Variants in CHD7 observed in about 807,000 individuals in gnomAD.
CHD7 encodes the protein chromodomain helicase DNA binding protein 7, also known as ATP-dependent chromatin remodeler CHD7.
CHD7 carries 24 observed loss-of-function variants against 307.3 expected under a neutral mutation model. The observed-to-expected ratio is 0.08, with a 90% confidence interval of 0.06 to 0.11. The LOEUF (loss-of-function observed/expected upper bound fraction) is 0.11. Ranked by LOEUF, CHD7 falls within the 10% of genes least tolerant of loss-of-function variation. The pLI, the probability that CHD7 is intolerant of heterozygous loss-of-function variation, is 1.00. For synonymous variants in CHD7, 1,363 were observed against 1,349.9 expected (o/e 1.01, Z -0.21); for missense variants, 3,106 against 3,727.1 (o/e 0.83, Z 4.34).
Position 60,862,233 on chromosome 8 carries a change from C to T in CHD7, c.7868C>T (p.Pro2623Leu), listed in dbSNP as rs1468230389. ...ADVLFSSFQKPKQKRHRCRNP... is the reference protein window; with the variant it reads ...ADVLFSSFQKLKQKRHRCRNP... ...GTGCTGTTTTCCTCATTTCAGAAAC[C>T]GAAACAGAAACGACATAGATGTCGA... Residue 2623 changes from proline (P) to leucine (L), a missense_variant, in exon 36 of 38, where the codon CCG becomes CTG. By Grantham distance (98) the Pro-to-Leu change is moderately conservative. This residue lies in a region of CHD7 where 1,030 missense variants were observed against 1,165.4 expected (regional missense o/e 0.88). Coordinates refer to ENST00000423902, the MANE Select transcript of CHD7 (RefSeq NM_017780.4). The T allele has an allele frequency of 3.7e-6, 6 of 1,611,044 alleles. No homozygotes were observed. The highest frequency in any genetic ancestry group is 2.2e-5 in the East Asian group (1 of 44,858).
chr8:60,755,081 T>A (rs1413310868), intron 2 of CHD7, among the ~76,000 whole-genome samples: 4 of 152,174 alleles, frequency 2.6e-5, no homozygotes, highest in African/African-American at 9.7e-5. Context: ...TGTTGTGAAC[T>A]CAGTTGATTT....
At chr8:60,818,327 G>C (rs1157652070) in intron 8 of CHD7, among the ~76,000 whole-genome samples, 3 of 152,172 alleles carry the variant, frequency 2.0e-5, no homozygotes, top group Non-Finnish European at 4.4e-5. Flanking sequence ...TCACATGTGT[G>C]ATGCCGCAGA....
intron 1 of CHD7, chr8:60,679,540 G>C (rs1487773012): frequency 6.8e-6 from 1 of 147,788 alleles, no homozygotes; most frequent in Non-Finnish European, 1.5e-5. Context: ...GGCTCCATTC[G>C]AGAGAAAAAG....
chr8:60,837,993 T>A (rs148979786), intron 18 of CHD7, 83 bp from the exon 19 acceptor site: 1 of 1,294,288 alleles, frequency 7.7e-7, no homozygotes, highest in East Asian at 2.6e-5. Context: ...TTACTCTCTT[T>A]GAGAAAAATG....
chr8:60,697,225 T>A (rs554822685), intron 1 of CHD7, among the ~76,000 whole-genome samples: 74 of 152,308 alleles, frequency 4.9e-4, no homozygotes, highest in Non-Finnish European at 3.4e-4. Flanking sequence ...TAGGAAGACT[T>A]TAACATCTGG....
At chr8:60,799,786 T>C (rs1812206251) in intron 4 of CHD7, among the ~76,000 whole-genome samples, 1 of 152,164 alleles carries the variant, frequency 6.6e-6, no homozygotes, top group Non-Finnish European at 1.5e-5. Context: ...CCACTTTTGA[T>C]GGACATACTG....
At chr8:60,854,278 A>G (rs1805608398) in intron 31 of CHD7, 85 bp from the exon 32 acceptor site, 2 of 1,198,450 alleles carry the variant, frequency 1.7e-6, no homozygotes, top group Non-Finnish European at 2.4e-6. Flanking sequence ...GCTGATTAGT[A>G]TTCACATTTT....
chr8:60,680,432 C>T (rs1805557937), intron 1 of CHD7, among the ~76,000 whole-genome samples: 1 of 107,106 alleles, frequency 9.3e-6, no homozygotes, highest in Admixed American at 8.7e-5. Context: ...GCGGCGGCGG[C>T]TCCCGGGCGG....
intron 1 of CHD7, among the ~76,000 whole-genome samples, chr8:60,714,602 C>T (rs559617759): frequency 1.3e-5 from 2 of 152,246 alleles, no homozygotes; most frequent in Non-Finnish European, 2.9e-5. Flanking sequence ...CACTGCCCCC[C>T]ACTTCGCGGC....
At chr8:60,836,328 A>T in intron 16 of CHD7, 45 bp downstream of exon 16, 1 of 1,538,252 alleles carries the variant, frequency 6.5e-7, no homozygotes, top group Non-Finnish European at 8.9e-7. Context: ...ATCTAAAATT[A>T]CCTTCCCAGG....
rs559950978 is a variant in CHD7 at position 60,814,667 on chromosome 8, G to A, written c.2499-1720G>A. ...TCACCATATTGGTCAGGCTGGTCTC[G>A]AACTACTGGCCTCAGGTGATCTGCC... On this transcript the variant is annotated intron_variant, in intron 7 of 37. Coordinates refer to ENST00000423902, the MANE Select transcript of CHD7 (RefSeq NM_017780.4). Among the ~76,000 whole-genome samples the A allele has an allele frequency of 4.6e-5, 7 of 152,254 alleles. No homozygotes were observed. In the South Asian group the frequency reaches 1.2e-3, roughly 27 times the overall value.
intron 7 of CHD7, among the ~76,000 whole-genome samples, chr8:60,813,996 G>A (rs1232579710): frequency 6.6e-6 from 1 of 152,090 alleles, no homozygotes; most frequent in African/African-American, 2.4e-5. Context: ...ACCATACACT[G>A]TATTATCTGT....
intron 15 of CHD7, among the ~76,000 whole-genome samples, chr8:60,833,041 G>A (rs930968394): frequency 1.3e-5 from 2 of 152,172 alleles, no homozygotes; most frequent in African/African-American, 2.4e-5. Flanking sequence ...GATAACTTAC[G>A]CAGACATTGT....
Position 60,795,095 on chromosome 8 carries a change from C to G in CHD7, c.2206C>G (p.Pro736Ala), listed in dbSNP as rs1230871319. Residue 736 changes from proline (P) to alanine (A), a missense_variant, in exon 4 of 38, where the codon CCT becomes GCT. Around this residue, in one of 10 missense-constraint regions of CHD7, gnomAD observed 998 missense variants for 1,004.5 expected, o/e 0.99. Coordinates refer to ENST00000423902, the MANE Select transcript of CHD7 (RefSeq NM_017780.4). ...AGACAAAACACCCCCACCATCTCCT[C>G]CTCCTGAAGAAGATGAGGACCCAGG... Reference protein sequence around the residue: ...DLDKTPPPSPPPEEDEDPGVQ... With the variant: ...DLDKTPPPSPAPEEDEDPGVQ... 6.2e-7 allele frequency: 1 copy of G among 1,613,790 alleles called. No homozygotes were observed.
At chr8:60,778,464 G>A (rs1009725163) in intron 2 of CHD7, among the ~76,000 whole-genome samples, 3 of 152,116 alleles carry the variant, frequency 2.0e-5, no homozygotes, top group African/African-American at 7.2e-5. Context: ...TGATTTGCAT[G>A]CTAAAGTGTG....
Position 60,830,497 on chromosome 8 carries a change from G to T in CHD7, c.3698G>T (p.Gly1233Val), listed in dbSNP as rs1173391141. Residue 1233 changes from glycine to valine, a missense_variant, in exon 15 of 38, where the codon GGT becomes GTT. Coordinates refer to ENST00000423902, the MANE Select transcript of CHD7 (RefSeq NM_017780.4). Reference protein sequence around the residue: ...EKNFTFLSKGGGQANVPNLLN... With the variant: ...EKNFTFLSKGVGQANVPNLLN... ...AATTTCACATTTCTTTCCAAAGGCG[G>T]TGGTCAAGCTAACGTACCTAACCTA... 1 of 1,614,036 alleles carries T rather than the reference G, an allele frequency of 6.2e-7. No homozygotes were observed. The highest frequency in any genetic ancestry group is 1.3e-5 in the African/African-American group (1 of 75,052).
chr8:60,688,662 C>T (rs895608150), intron 1 of CHD7, among the ~76,000 whole-genome samples: 1 of 152,136 alleles, frequency 6.6e-6, no homozygotes, highest in African/African-American at 2.4e-5. Context: ...TATCTCTTGT[C>T]CTGAAGATGT....
intron 6 of CHD7, among the ~76,000 whole-genome samples, chr8:60,804,482 G>A (rs887802003): frequency 6.6e-6 from 1 of 152,134 alleles, no homozygotes; most frequent in Non-Finnish European, 1.5e-5. Flanking sequence ...GAGCCTCCTA[G>A]AGTGTAAAGA....
intron 1 of CHD7, among the ~76,000 whole-genome samples, chr8:60,681,521 G>A (rs747754898): frequency 5.3e-5 from 8 of 152,144 alleles, no homozygotes; most frequent in Non-Finnish European, 1.2e-4. Context: ...GTTTGCTCAG[G>A]AAAAGTTTAT....
Sources: gnomAD v4.1 joint callset for allele counts (sites outside exome capture counted in the v4.1 genomes callset) on GRCh38, gnomAD v4.1.1 for gene constraint, gnomAD v4.1.1 regional missense constraint, MANE v1.5 for transcripts, NCBI Gene and HGNC (gene_info 2026-07-23, HGNC 2026-07-21) for gene names.